TRABD2B: variants seen among roughly 807,000 people sequenced by gnomAD.
TRABD2B encodes the protein metalloprotease TIKI2.
Under a neutral mutation model 40.1 loss-of-function variants are expected in TRABD2B, and 14 were observed. That is an observed-to-expected ratio of 0.35 (90% CI 0.23 to 0.55). The LOEUF is 0.55. Ranked by LOEUF, TRABD2B falls within the 20% of genes least tolerant of loss-of-function variation. The pLI is 0.90. For missense variants in TRABD2B, 541 were observed against 648.6 expected (o/e 0.83, Z 1.80); for synonymous variants, 263 against 277.0 (o/e 0.95, Z 0.50).
At chr1:47,940,974 T>C (rs187819004) in intron 2 of TRABD2B, among the ~76,000 whole-genome samples, 1 of 152,284 alleles carries the variant, frequency 6.6e-6, no homozygotes, top group Middle Eastern at 3.4e-3. Context: ...TAGGGCCATA[T>C]GAATGACACT....
At chr1:47,873,688 C>T (rs561480368) in intron 2 of TRABD2B, among the ~76,000 whole-genome samples, 16 of 152,258 alleles carry the variant, frequency 1.1e-4, no homozygotes, top group Middle Eastern at 6.8e-3. Flanking sequence ...AAGCCATGCA[C>T]GGTCTTGGTG....
chr1:47,993,996 AG>A, intron 2 of TRABD2B, 37 bp downstream of exon 2: 1 of 1,507,142 alleles, frequency 6.6e-7, no homozygotes, highest in Non-Finnish European at 8.9e-7. Flanking sequence ...CCAGGTACCC[AG>A]GGCTGTCAGC....
chr1:47,954,624 G>T (rs766637629), intron 2 of TRABD2B, among the ~76,000 whole-genome samples: 9 of 152,174 alleles, frequency 5.9e-5, no homozygotes, highest in Non-Finnish European at 1.0e-4. Context: ...GAATAAGGTC[G>T]TGGGGTTGAG....
intron 2 of TRABD2B, among the ~76,000 whole-genome samples, chr1:47,896,758 T>A (rs1244261759): frequency 6.6e-6 from 1 of 152,208 alleles, no homozygotes; most frequent in African/African-American, 2.4e-5. Flanking sequence ...TACTGCCACT[T>A]CTTGGGCAAG....
At chr1:47,880,870 T>A (rs1424903900) in intron 2 of TRABD2B, among the ~76,000 whole-genome samples, 2 of 152,230 alleles carry the variant, frequency 1.3e-5, no homozygotes, top group African/African-American at 2.4e-5. Flanking sequence ...ATTTGCTTTT[T>A]TTCCTCAATT....
intron 2 of TRABD2B, among the ~76,000 whole-genome samples, chr1:47,978,330 T>C (rs1645789349): frequency 6.6e-6 from 1 of 152,182 alleles, no homozygotes; most frequent in African/African-American, 2.4e-5. Flanking sequence ...GAGAAATAGA[T>C]TTCCGTTGTT....
intron 2 of TRABD2B, among the ~76,000 whole-genome samples, chr1:47,919,805 T>A (rs1281654404): frequency 6.6e-6 from 1 of 152,038 alleles, no homozygotes; most frequent in Non-Finnish European, 1.5e-5. Flanking sequence ...GCACTGCATG[T>A]CAAGTGCTCA....
intron 2 of TRABD2B, among the ~76,000 whole-genome samples, chr1:47,814,237 G>A (rs1645001506): frequency 1.3e-5 from 2 of 152,254 alleles, no homozygotes; most frequent in African/African-American, 2.4e-5. Context: ...GCTGGTGGAG[G>A]TGGACATGGG....
chr1:47,924,603 G>A (rs571114305), intron 2 of TRABD2B, among the ~76,000 whole-genome samples: 48 of 152,140 alleles, frequency 3.2e-4, no homozygotes, highest in Non-Finnish European at 5.7e-4. Context: ...CCCAGCTGTG[G>A]AGGGTGCCAA....
At chr1:47,779,264 C>G (rs899154351) in intron 4 of TRABD2B, among the ~76,000 whole-genome samples, 10 of 152,186 alleles carry the variant, frequency 6.6e-5, no homozygotes, top group Admixed American at 1.3e-4. Context: ...ACCAAAAACC[C>G]TGACTGATTG....
chr1:47,919,117 C>T (rs926151220), intron 2 of TRABD2B, among the ~76,000 whole-genome samples: 3 of 152,160 alleles, frequency 2.0e-5, no homozygotes, highest in African/African-American at 7.2e-5. Context: ...ATAGGTCTCC[C>T]CAGTTCGTGC....
chr1:47,794,563 C>T (rs1161336684), intron 4 of TRABD2B, 23 bp downstream of exon 4: 5 of 1,497,164 alleles, frequency 3.3e-6, no homozygotes, highest in Non-Finnish European at 3.6e-6. Flanking sequence ...TGCAAACAAT[C>T]CCTTCCCCAC....
chr1:47,990,768 GTTTTATATATATATATATAT>G (rs1268014012), intron 2 of TRABD2B, among the ~76,000 whole-genome samples: 7 of 44,936 alleles, frequency 1.6e-4, no homozygotes, highest in East Asian at 7.5e-4. Flanking sequence ...TAAAACGTTG[GTTTTATATATATATATATAT>G]ATATATATAT....
intron 2 of TRABD2B, among the ~76,000 whole-genome samples, chr1:47,857,539 TC>T (rs1287005866): frequency 6.6e-6 from 1 of 152,146 alleles, no homozygotes; most frequent in Non-Finnish European, 1.5e-5. Context: ...CCTCTGGGTG[TC>T]CCTCTGAATT....
At chr1:47,897,249 G>C (rs1030245927) in intron 2 of TRABD2B, among the ~76,000 whole-genome samples, 1 of 152,192 alleles carries the variant, frequency 6.6e-6, no homozygotes. Flanking sequence ...ATCATGCTTG[G>C]CATGTCCCAG....
intron 2 of TRABD2B, among the ~76,000 whole-genome samples, chr1:47,890,788 G>A (rs1034841392): frequency 1.3e-5 from 2 of 152,238 alleles, no homozygotes; most frequent in African/African-American, 4.8e-5. Context: ...AGGCCCTGAA[G>A]AAGAAGAATA....
intron 4 of TRABD2B, among the ~76,000 whole-genome samples, chr1:47,779,248 G>A (rs1347679259): frequency 2.3e-5 from 2 of 88,232 alleles, no homozygotes; most frequent in Non-Finnish European, 4.5e-5. Context: ...GATCCCAGCC[G>A]GGGTAACCAA....
At chr1:47,775,469 A>C in intron 5 of TRABD2B, 30 bp from the exon 6 acceptor site, 4 of 1,234,222 alleles carry the variant, frequency 3.2e-6, no homozygotes, top group Non-Finnish European at 4.0e-6. Flanking sequence ...CATGGGGCAC[A>C]TGTGTTGGAG....
chr1:47,943,094 T>C (rs61773506), intron 2 of TRABD2B, among the ~76,000 whole-genome samples: 143 of 152,334 alleles, frequency 9.4e-4, no homozygotes, highest in Middle Eastern at 3.4e-3. Flanking sequence ...TTCCTCTCTC[T>C]GAGCCTTGGT....
Sources: allele counts gnomAD v4.1 joint callset (sites outside exome capture counted in the v4.1 genomes callset), GRCh38; gene constraint gnomAD v4.1.1; transcripts MANE v1.5; gene names NCBI Gene and HGNC (gene_info 2026-07-23, HGNC 2026-07-21).